The following FOCAD variants were observed in gnomAD, a reference collection of about 807,000 sequenced individuals.
FOCAD encodes focadhesin, also known as KIAA1797.
FOCAD carries 198 observed loss-of-function variants against 225.6 expected under a neutral mutation model. The ratio of observed to expected loss-of-function variants is 0.88; its 90% CI spans 0.78 to 0.99. FOCAD has a LOEUF of 0.99. FOCAD is among the 50% of genes least tolerant of loss of function. The probability of loss-of-function intolerance (pLI) is 0.00; values close to 1 mark genes in which losing one functional copy is unlikely to be tolerated. For synonymous variants in FOCAD, 897 were observed against 755.0 expected (o/e 1.19, Z -3.08); for missense variants, 2,713 against 2,123.6 (o/e 1.28, Z -5.46).
intron 28 of FOCAD, among the ~76,000 whole-genome samples, chr9:20,935,849 T>C (rs774254975): frequency 4.6e-5 from 7 of 152,250 alleles, no homozygotes; most frequent in South Asian, 2.1e-4. Context: ...ACCAACCTGC[T>C]TAGCATTAAG....
chr9:20,922,341 TG>T (rs71304866), intron 24 of FOCAD, among the ~76,000 whole-genome samples: 1 of 151,640 alleles, frequency 6.6e-6, no homozygotes, highest in South Asian at 2.1e-4. Flanking sequence ...TACATTGAGG[TG>T]GGGGGGTGGT....
chr9:20,990,833 G>T (rs905270308), intron 42 of FOCAD, among the ~76,000 whole-genome samples: 1 of 152,122 alleles, frequency 6.6e-6, no homozygotes, highest in African/African-American at 2.4e-5. Context: ...GGAAATGTGG[G>T]TCGGGAGCAT....
chr9:20,851,757 C>A (rs957502745), intron 15 of FOCAD, among the ~76,000 whole-genome samples: 1 of 151,822 alleles, frequency 6.6e-6, no homozygotes, highest in Non-Finnish European at 1.5e-5. Context: ...AATCTAATTG[C>A]TAAGCTGTAT....
Position 20,709,494 on chromosome 9 carries a change from G to A in FOCAD, c.-32-5828G>A, listed in dbSNP as rs565904212. ...CCAGACTGGGTGACAAAGTGAAACCGTCTCTGTCTCTTAAAAAAAAAAAAA... is the reference window on the plus strand; with the variant it reads ...CCAGACTGGGTGACAAAGTGAAACCATCTCTGTCTCTTAAAAAAAAAAAAA... On this transcript the variant is annotated intron_variant, in intron 1 of 43. Transcript: ENST00000338382. Among the ~76,000 whole-genome samples the A allele has an allele frequency of 8.7e-5, 12 of 138,378 alleles. No homozygotes were observed. In the South Asian group the frequency reaches 9.2e-4, roughly 11 times the overall value. The allele number at this position is 138,378 out of a possible 152,430, so 90.8% of individuals were successfully genotyped here.
intron 4 of FOCAD, 142 bp downstream of exon 4, chr9:20,720,676 A>G (rs776076436): frequency 1.5e-5 from 12 of 787,064 alleles, no homozygotes; most frequent in African/African-American, 8.7e-5. Context: ...GCTGTTTCAT[A>G]TATGAAAATA....
intron 15 of FOCAD, among the ~76,000 whole-genome samples, chr9:20,846,916 T>C (rs1188768434): frequency 6.6e-6 from 1 of 152,124 alleles, no homozygotes; most frequent in Non-Finnish European, 1.5e-5. Context: ...AAGGTTGTTA[T>C]TAGTATTACC....
chr9:20,944,004 G>A (rs1411863727), intron 28 of FOCAD, among the ~76,000 whole-genome samples: 2 of 152,162 alleles, frequency 1.3e-5, no homozygotes, highest in Admixed American at 6.5e-5. Flanking sequence ...CCTGTCATTT[G>A]TCCATTTTCT....
intron 7 of FOCAD, among the ~76,000 whole-genome samples, chr9:20,769,699 A>G (rs1433230331): frequency 6.6e-6 from 1 of 152,254 alleles, no homozygotes; most frequent in Non-Finnish European, 1.5e-5. Context: ...TGGAGAATTC[A>G]AAACTAAACT....
intron 36 of FOCAD, 41 bp downstream of exon 36, chr9:20,976,589 A>T (rs1156321145): frequency 6.3e-7 from 1 of 1,598,162 alleles, no homozygotes; most frequent in Non-Finnish European, 8.6e-7. Context: ...CTTTGATTTT[A>T]GTATTTGACC....
intron 4 of FOCAD, among the ~76,000 whole-genome samples, chr9:20,727,572 C>T (rs2131587736): frequency 6.6e-6 from 1 of 152,288 alleles, no homozygotes; most frequent in African/African-American, 2.4e-5. Context: ...ATGGATTTCT[C>T]AGAACTGTTT....
intron 24 of FOCAD, among the ~76,000 whole-genome samples, chr9:20,917,257 AT>A (rs1434256988): frequency 6.6e-6 from 1 of 151,914 alleles, no homozygotes; most frequent in Non-Finnish European, 1.5e-5. Context: ...GTTCGAGGGG[AT>A]TAAAAAAAAA....
At chr9:20,731,237 C>CCAAAACAA in intron 4 of FOCAD, among the ~76,000 whole-genome samples, 1 of 128,392 alleles carries the variant, frequency 7.8e-6, no homozygotes, top group East Asian at 2.1e-4. Context: ...GACTTTGTCT[C>CCAAAACAA]CAAAACAACA....
At chr9:20,975,527 G>C (rs1840154342) in intron 35 of FOCAD, among the ~76,000 whole-genome samples, 1 of 152,194 alleles carries the variant, frequency 6.6e-6, no homozygotes, top group Non-Finnish European at 1.5e-5. Flanking sequence ...CCATAGAATG[G>C]AGTGTACCTG....
intron 5 of FOCAD, among the ~76,000 whole-genome samples, chr9:20,750,611 T>C (rs985365827): frequency 2.0e-5 from 3 of 152,172 alleles, no homozygotes; most frequent in African/African-American, 7.2e-5. Flanking sequence ...TTGATCTTGA[T>C]ATTTAGAAAT....
chr9:20,658,753 T>G (rs545920886), exon 2 of FOCAD: 1 of 159,648 alleles, frequency 6.3e-6, no homozygotes. Context: ...TCGCTCACGC[T>G]GGGAGCTGTA....
At chr9:20,983,925 A>G (rs527368078) in intron 39 of FOCAD, among the ~76,000 whole-genome samples, 1 of 152,312 alleles carries the variant, frequency 6.6e-6, no homozygotes, top group Admixed American at 6.5e-5. Flanking sequence ...ATTATATCCT[A>G]TTATTACATT....
chr9:20,803,107 A>G (rs555868604), intron 11 of FOCAD, among the ~76,000 whole-genome samples: 9 of 152,238 alleles, frequency 5.9e-5, no homozygotes, highest in Middle Eastern at 3.4e-3. Flanking sequence ...TTAATGTTAG[A>G]GGTGCAGCTT....
chr9:20,995,338 A>G (rs906685475), intron 43 of FOCAD, among the ~76,000 whole-genome samples: 2 of 148,666 alleles, frequency 1.3e-5, no homozygotes, highest in African/African-American at 5.0e-5. Context: ...AGAATTTCCC[A>G]TTAACTGATT....
intron 35 of FOCAD, among the ~76,000 whole-genome samples, chr9:20,954,442 G>A (rs1382455257): frequency 6.6e-6 from 1 of 152,078 alleles, no homozygotes; most frequent in African/African-American, 2.4e-5. Flanking sequence ...AGAAATAAAA[G>A]TAAAAACTCT....
Sources: gnomAD v4.1 joint callset for allele counts (sites outside exome capture counted in the v4.1 genomes callset) on GRCh38, gnomAD v4.1.1 for gene constraint, MANE v1.5 for transcripts, NCBI Gene and HGNC (gene_info 2026-07-23, HGNC 2026-07-21) for gene names.